ZNF536: variants seen among roughly 807,000 people sequenced by gnomAD.
ZNF536 encodes the protein zinc finger protein 536.
A neutral mutation model predicts 84.5 loss-of-function variants in ZNF536; 13 were observed. The ratio of observed to expected loss-of-function variants is 0.15; its 90% CI spans 0.10 to 0.24. The LOEUF is 0.24. ZNF536 is among the 10% of genes least tolerant of loss of function. The probability of loss-of-function intolerance (pLI) is 1.00; values close to 1 mark genes in which losing one functional copy is unlikely to be tolerated. For synonymous variants in ZNF536, 811 were observed against 742.5 expected, an observed-to-expected ratio of 1.09 and a Z score of -1.50; for missense variants, 1,536 against 1,747.5, an observed-to-expected ratio of 0.88 and a Z score of 2.16.
intron 1 of ZNF536, among the ~76,000 whole-genome samples, chr19:30,230,077 A>T (rs2022920512): frequency 6.6e-6 from 1 of 152,238 alleles, no homozygotes; most frequent in Admixed American, 6.5e-5. Flanking sequence ...ATTGCATGGA[A>T]GACTTGCCTC....
intron 1 of ZNF536, among the ~76,000 whole-genome samples, chr19:30,229,010 C>G (rs966115770): frequency 6.6e-6 from 1 of 152,024 alleles, no homozygotes; most frequent in Non-Finnish European, 1.5e-5. Context: ...CAGTGGCCGC[C>G]GCTGAGGGCA....
chr19:30,443,789 C>T lies in ZNF536; in HGVS notation c.227C>T (p.Pro76Leu). ...GCCCACGTGCCCATGAGCGGCCAGC[C>T]CATGGGCAGTCAGATGGCGCTCCTG... Reference protein sequence around the residue: ...EKAHVPMSGQPMGSQMALLAN... With the variant: ...EKAHVPMSGQLMGSQMALLAN... Residue 76 changes from proline (P) to leucine (L), a missense_variant, in exon 2 of 5, where the codon CCC becomes CTC. Pro to Leu is a moderately conservative substitution (Grantham distance 98, BLOSUM62 -3). Transcript: ENST00000355537. 3 of 1,613,284 alleles carry T rather than the reference C, an allele frequency of 1.9e-6. No homozygotes were observed. The highest frequency in any genetic ancestry group is 1.1e-5 in the South Asian group (1 of 91,042).
intron 1 of ZNF536, among the ~76,000 whole-genome samples, chr19:30,373,423 T>C (rs1329397737): frequency 6.6e-6 from 1 of 152,092 alleles, no homozygotes; most frequent in Non-Finnish European, 1.5e-5. Context: ...TTAATGGCTC[T>C]TTAAATATTG....
At chr19:30,364,474 C>G (rs1284505946) in intron 3 of ZNF536, among the ~76,000 whole-genome samples, 1 of 152,186 alleles carries the variant, frequency 6.6e-6, no homozygotes, top group Non-Finnish European at 1.5e-5. Context: ...GCCAAGATCC[C>G]ACCATTGCAT....
chr19:30,361,107 A>G (rs562331804), intron 3 of ZNF536, among the ~76,000 whole-genome samples: 1 of 152,288 alleles, frequency 6.6e-6, no homozygotes, highest in East Asian at 1.9e-4. Context: ...GCACTTATAT[A>G]GTCTGTCATT....
intron 1 of ZNF536, among the ~76,000 whole-genome samples, chr19:30,635,070 GT>G (rs745690021): frequency 9.3e-4 from 140 of 150,570 alleles, no homozygotes; most frequent in East Asian, 2.1e-3. Context: ...AAAGCTGGGT[GT>G]GTGTGTGTGT....
intron 1 of ZNF536, among the ~76,000 whole-genome samples, chr19:30,622,740 C>T (rs1421410244): frequency 6.6e-6 from 1 of 152,118 alleles, no homozygotes; most frequent in Admixed American, 6.5e-5. Context: ...ACCAGGGAGA[C>T]GGGGAGGTCA....
intron 2 of ZNF536, among the ~76,000 whole-genome samples, chr19:30,452,020 T>C (rs1259146085): frequency 6.6e-6 from 1 of 152,238 alleles, no homozygotes; most frequent in Non-Finnish European, 1.5e-5. Flanking sequence ...GGCTCAGGTC[T>C]TGACCACCAC....
intron 2 of ZNF536, among the ~76,000 whole-genome samples, chr19:30,285,483 G>A (rs2045594180): frequency 6.6e-6 from 1 of 152,178 alleles, no homozygotes; most frequent in African/African-American, 2.4e-5. Flanking sequence ...CCTTTCTGAT[G>A]CATAATAAGG....
chr19:30,491,819 C>A (rs1480443215), intron 2 of ZNF536, among the ~76,000 whole-genome samples: 1 of 151,118 alleles, frequency 6.6e-6, no homozygotes, highest in Non-Finnish European at 1.5e-5. Context: ...TCAATGATTT[C>A]TTTTCCTTTC....
At chr19:30,468,534 A>T (rs1274111492) in intron 2 of ZNF536, among the ~76,000 whole-genome samples, 2 of 152,076 alleles carry the variant, frequency 1.3e-5, no homozygotes, top group Non-Finnish European at 2.9e-5. Flanking sequence ...AGGGGTCTGC[A>T]TTGAGCTGGG....
intron 3 of ZNF536, among the ~76,000 whole-genome samples, chr19:30,545,886 A>T (rs1021495182): frequency 3.9e-5 from 6 of 152,198 alleles, no homozygotes; most frequent in African/African-American, 1.4e-4. Flanking sequence ...TGCCAGATGC[A>T]CATAATCATT....
At chr19:30,679,891 C>T (rs1004112022) in intron 1 of ZNF536, among the ~76,000 whole-genome samples, 15 of 152,188 alleles carry the variant, frequency 9.9e-5, no homozygotes, top group Admixed American at 4.6e-4. Flanking sequence ...TGGCCCACAT[C>T]GGGAACTGGA....
At chr19:30,510,858 C>T (rs2055382451) in intron 2 of ZNF536, among the ~76,000 whole-genome samples, 1 of 152,176 alleles carries the variant, frequency 6.6e-6, no homozygotes, top group Non-Finnish European at 1.5e-5. Context: ...TTCTTGTCCC[C>T]GACCTGAGAT....
At chr19:30,702,051 C>T (rs1427013610) in intron 1 of ZNF536, among the ~76,000 whole-genome samples, 2 of 152,212 alleles carry the variant, frequency 1.3e-5, no homozygotes, top group African/African-American at 2.4e-5. Flanking sequence ...AGTCTGGAAG[C>T]CCCATAGACG....
chr19:30,458,289 C>A (rs1182679741), intron 2 of ZNF536, among the ~76,000 whole-genome samples: 3 of 151,848 alleles, frequency 2.0e-5, no homozygotes, highest in Non-Finnish European at 2.9e-5. Flanking sequence ...TCTCAGCTTC[C>A]ATTTTTCCTT....
chr19:30,670,747 C>T (rs2050517566), intron 1 of ZNF536, among the ~76,000 whole-genome samples: 1 of 152,198 alleles, frequency 6.6e-6, no homozygotes, highest in African/African-American at 2.4e-5. Flanking sequence ...CTCTGTTGCC[C>T]ACGCCCTTCA....
chr19:30,289,151 G>A (rs2045746577), intron 2 of ZNF536, among the ~76,000 whole-genome samples: 1 of 152,176 alleles, frequency 6.6e-6, no homozygotes, highest in Non-Finnish European at 1.5e-5. Context: ...CGTGGTCATG[G>A]TGGGTGGGTG....
intron 1 of ZNF536, among the ~76,000 whole-genome samples, chr19:30,614,037 A>G (rs1284322691): frequency 1.3e-5 from 2 of 152,016 alleles, no homozygotes; most frequent in Non-Finnish European, 2.9e-5. Flanking sequence ...TAATTTTTGT[A>G]TTTTTAGTAG....
Sources: gnomAD v4.1 joint callset for allele counts (sites outside exome capture counted in the v4.1 genomes callset) on GRCh38, gnomAD v4.1.1 for gene constraint, MANE v1.5 for transcripts, NCBI Gene and HGNC (gene_info 2026-07-23, HGNC 2026-07-21) for gene names.